MACF1: variants seen among roughly 807,000 people sequenced by gnomAD.
MACF1 encodes microtubule-actin cross-linking factor 1.
Under a neutral mutation model 854.8 loss-of-function variants are expected in MACF1, and 193 were observed. The observed-to-expected ratio is 0.23, with a 90% CI of 0.20 to 0.25. The LOEUF (loss-of-function observed/expected upper bound fraction) is 0.25, where lower values mean the gene tolerates loss of function less well. Ranked by LOEUF, MACF1 falls within the 10% of genes least tolerant of loss-of-function variation. The pLI is 1.00. For synonymous variants in MACF1, 3,185 were observed against 3,226.7 expected, an observed-to-expected ratio of 0.99 and a Z score of 0.44; for missense variants, 7,722 against 8,929.1, an observed-to-expected ratio of 0.86 and a Z score of 5.45.
chr1:39,422,692 C>T lies in MACF1; in HGVS notation c.15979-38C>T, dbSNP rs200849349. ...TCAGTAGTAATTTGAAAACTACTTTCTCCGTTCTCATAATGAACCTACATG... is the reference window on the plus strand; with the variant it reads ...TCAGTAGTAATTTGAAAACTACTTTTTCCGTTCTCATAATGAACCTACATG... On this transcript the variant is annotated intron_variant, in intron 59 of 100. Transcript: ENST00000564288. 1.1e-4 allele frequency: 175 copies of T among 1,596,258 alleles called. 2 individuals are homozygous for T. In the East Asian group the frequency reaches 3.9e-3, roughly 35 times the overall value.
intron 58 of MACF1, among the ~76,000 whole-genome samples, chr1:39,401,453 A>AT (rs766982115): frequency 4.6e-5 from 7 of 152,322 alleles, no homozygotes; most frequent in Non-Finnish European, 8.8e-5. Flanking sequence ...TAATTAAAAC[A>AT]TTGAGGGCTG....
chr1:39,410,393 G>A (rs1642935514), intron 58 of MACF1: 28 of 1,613,956 alleles, frequency 1.7e-5, no homozygotes, highest in Non-Finnish European at 2.4e-5. Flanking sequence ...GATACGATGA[G>A]GATAAATGAG....
At chr1:39,414,431 A>T (rs185907284) in intron 58 of MACF1, 3 of 1,614,042 alleles carry the variant, frequency 1.9e-6, no homozygotes, top group East Asian at 4.5e-5. Context: ...ACAGTGCTAC[A>T]TGGGAAAGTG....
chr1:39,243,844 T>A (rs1189504594), intron 2 of MACF1, among the ~76,000 whole-genome samples: 1 of 152,112 alleles, frequency 6.6e-6, no homozygotes, highest in African/African-American at 2.4e-5. Flanking sequence ...ATTTAGTAGA[T>A]GTGTGATTTT....
At chr1:39,324,495 C>T in intron 34 of MACF1, 150 bp downstream of exon 34, 3 of 1,140,180 alleles carry the variant, frequency 2.6e-6, no homozygotes, top group Non-Finnish European at 3.7e-6. Context: ...CTTGTTTGTT[C>T]TTGTACCTTT....
At chr1:39,378,395 T>G (rs1207177246) in intron 52 of MACF1, 66 bp from the exon 53 acceptor site, 7 of 1,158,416 alleles carry the variant, frequency 6.0e-6, no homozygotes, top group African/African-American at 1.5e-5. Flanking sequence ...AAGGACAAAT[T>G]CAGTGCCTAT....
At chr1:39,314,567 T>TCA (rs761098207) in intron 26 of MACF1, among the ~76,000 whole-genome samples, 2,352 of 115,166 alleles carry the variant, frequency 0.02, 34 homozygotes, top group Non-Finnish European at 0.031. Context: ...TCTCTCTCTC[T>TCA]CTCACACACA....
intron 6 of MACF1, chr1:39,269,133 C>T (rs2148356216): frequency 7.8e-7 from 1 of 1,289,796 alleles, no homozygotes; most frequent in South Asian, 1.2e-5. Flanking sequence ...TGTCATTGCT[C>T]ACCTGCTTGA....
At chr1:39,443,305 C>G in intron 78 of MACF1, 141 bp from the exon 79 acceptor site, 1 of 766,440 alleles carries the variant, frequency 1.3e-6, no homozygotes, top group Non-Finnish European at 2.1e-6. Context: ...TGGCCCCATG[C>G]TAATCTAGCA....
intron 47 of MACF1, among the ~76,000 whole-genome samples, chr1:39,359,802 C>G (rs959661734): frequency 6.7e-6 from 1 of 150,344 alleles, no homozygotes; most frequent in African/African-American, 2.4e-5. Context: ...AACCCCGTCT[C>G]TACTAAAAAT....
intron 1 of MACF1, among the ~76,000 whole-genome samples, chr1:39,226,869 T>C (rs1644722918): frequency 6.6e-6 from 1 of 152,206 alleles, no homozygotes; most frequent in Admixed American, 6.5e-5. Flanking sequence ...GAAAAAACAC[T>C]TCTATCTTTA....
chr1:39,107,187 A>G (rs1642266502), intron 2 of MACF1, among the ~76,000 whole-genome samples: 1 of 152,190 alleles, frequency 6.6e-6, no homozygotes, highest in African/African-American at 2.4e-5. Flanking sequence ...ATTAAGACCC[A>G]AAATAGGTGA....
chr1:39,472,227 C>G (rs2124154560), intron 97 of MACF1, among the ~76,000 whole-genome samples: 1 of 152,052 alleles, frequency 6.6e-6, no homozygotes. Flanking sequence ...ACTATAATAC[C>G]CAATTTTGGG....
chr1:39,469,323 G>A (rs554152247), intron 96 of MACF1, among the ~76,000 whole-genome samples: 1 of 152,284 alleles, frequency 6.6e-6, no homozygotes, highest in African/African-American at 2.4e-5. Flanking sequence ...AGCATGAGTG[G>A]TGGCATCTGC....
At chr1:39,465,182 C>A in intron 95 of MACF1, 70 bp downstream of exon 95, 1 of 1,461,956 alleles carries the variant, frequency 6.8e-7, no homozygotes, top group Non-Finnish European at 9.6e-7. Flanking sequence ...GCCTGTTCTT[C>A]GCTATGGGGA....
chr1:39,093,505 G>C, intron 2 of MACF1, among the ~76,000 whole-genome samples: 1 of 50,662 alleles, frequency 2.0e-5, no homozygotes, highest in Admixed American at 2.2e-4. Flanking sequence ...TTTTTTTTTT[G>C]AGACGGAGTC....
chr1:39,341,235 T>C (rs1033126667), intron 40 of MACF1, among the ~76,000 whole-genome samples: 26 of 150,348 alleles, frequency 1.7e-4, no homozygotes, highest in Non-Finnish European at 3.3e-4. Flanking sequence ...GGTTTCACCA[T>C]GTTGGCCAGG....
intron 90 of MACF1, 175 bp downstream of exon 90, chr1:39,458,665 C>G: frequency 1.3e-6 from 1 of 748,888 alleles, no homozygotes; most frequent in Non-Finnish European, 2.1e-6. Flanking sequence ...AGTAGCTGTA[C>G]TCCATATTCT....
Position 39,387,346 on chromosome 1 carries a change from A to C in MACF1, c.14504A>C (p.Glu4835Ala). ...KLERLQSQLQ[E>A]NEEFQKSLNQ... Reference sequence around the variant, plus strand: ...GAGCGGCTACAGTCTCAGCTACAGGAGAATGAAGAGTTTCAGAAAAGTCTT... The same window carrying C: ...GAGCGGCTACAGTCTCAGCTACAGGCGAATGAAGAGTTTCAGAAAAGTCTT... The change falls in exon 58 of 101, where the codon GAG becomes GCG. Residue 4835 changes from glutamate to alanine, a missense_variant. Glu to Ala is a moderately radical substitution (Grantham distance 107). This residue lies in a region of MACF1 where 2,807 missense variants were observed against 3,235.8 expected (regional missense o/e 0.87). Coordinates refer to ENST00000564288, the MANE Select transcript of MACF1 (RefSeq NM_001394062.1). 6.2e-7 allele frequency: 1 copy of C among 1,614,216 alleles called. No individual in the cohort carries two copies. The highest frequency in any genetic ancestry group is 1.1e-5 in the South Asian group (1 of 91,086).
Sources: allele counts gnomAD v4.1 joint callset (sites outside exome capture counted in the v4.1 genomes callset), GRCh38; gene constraint gnomAD v4.1.1; regional missense constraint gnomAD v4.1.1; transcripts MANE v1.5; gene names NCBI Gene and HGNC (gene_info 2026-07-23, HGNC 2026-07-21).